The following UBASH3A variants were observed in gnomAD, a reference collection of about 807,000 sequenced individuals.
UBASH3A encodes the protein ubiquitin associated and SH3 domain containing A.
UBASH3A carries 63 observed loss-of-function variants against 73.5 expected under a neutral mutation model. The ratio of observed to expected loss-of-function variants is 0.86; its 90% CI spans 0.70 to 1.06. The LOEUF is 1.06. Among genes scored for constraint, UBASH3A ranks in the 50% least tolerant of loss-of-function variants. The probability of loss-of-function intolerance (pLI) is 0.00; values close to 1 mark genes in which losing one functional copy is unlikely to be tolerated. For missense variants in UBASH3A, 860 were observed against 859.0 expected (o/e 1.00, Z -0.02); for synonymous variants, 363 against 351.1 (o/e 1.03, Z -0.38).
intron 3 of UBASH3A, among the ~76,000 whole-genome samples, chr21:42,411,321 A>G (rs2053089601): frequency 6.6e-6 from 1 of 152,034 alleles, no homozygotes; most frequent in South Asian, 2.1e-4. Flanking sequence ...ACACACAGGA[A>G]TACACAGATA....
intron 6 of UBASH3A, chr21:42,417,499 T>C (rs1387319803): frequency 1.3e-5 from 2 of 151,690 alleles, no homozygotes; most frequent in Non-Finnish European, 2.9e-5. Flanking sequence ...TGCTTATTAA[T>C]TCTTTTTTAT....
chr21:42,443,487 T>G (rs1194665351), intron 13 of UBASH3A, 69 bp downstream of exon 13: 2 of 1,385,958 alleles, frequency 1.4e-6, no homozygotes. Context: ...AGATGGAAAT[T>G]GGCCAATTTT....
Position 42,413,017 on chromosome 21 carries a change from C to A in UBASH3A, c.355-7C>A. Reference sequence around the variant, plus strand: ...TGGAAACACAGGCTCTGTCTCTGTCCCCTTAGTGTGAAGACCAGAAGGTGG... The same window carrying A: ...TGGAAACACAGGCTCTGTCTCTGTCACCTTAGTGTGAAGACCAGAAGGTGG... On this transcript the variant is annotated splice_polypyrimidine_tract_variant and splice_region_variant and intron_variant, in intron 3 of 14. Coordinates refer to ENST00000319294, the MANE Select transcript of UBASH3A (RefSeq NM_018961.4). This position sits in a 1 kb window ranked among gnomAD's most constrained non-coding sequence, Gnocchi z 4.5. 2 of 1,612,814 alleles carry A rather than the reference C, an allele frequency of 1.2e-6. No individual in the cohort carries two copies. Among genetic ancestry groups the A allele is most frequent in the Non-Finnish European group, 1.7e-6 (2 of 1,178,870 alleles).
At chr21:42,437,850 G>T (rs140519580) in intron 11 of UBASH3A, among the ~76,000 whole-genome samples, 1 of 152,156 alleles carries the variant, frequency 6.6e-6, no homozygotes, top group Admixed American at 6.5e-5. Context: ...TTTGGCCTCC[G>T]TCAGCTAGGC....
In UBASH3A at chr21:42,443,981, C is replaced by T. The variant is rs575131115; in HGVS notation, c.1739-553C>T. On this transcript the variant is annotated intron_variant, in intron 13 of 14. Coordinates refer to ENST00000319294, the MANE Select transcript of UBASH3A (RefSeq NM_018961.4). ...ACCAACTTCCAGGTGGCGCCCCCTT[C>T]CCTGACCCATCACACGGGTCTCCTA... Among the ~76,000 whole-genome samples, 370 of 152,302 alleles carry T rather than the reference C, an allele frequency of 2.4e-3. 2 individuals carry two copies. The highest frequency in any genetic ancestry group is 8.4e-3 in the African/African-American group (350 of 41,552).
rs776033356 is a variant in UBASH3A, at chr21:42,415,319, T to TTCCCCACCACCTACACACTCATGCTGC, written c.668-1093_668-1067dup. ...TAAAAACAAAAGTCAGGAAAGGAAT[T>TTCCCCACCACCTACACACTCATGCTGC]TCCCCACCACCTACACACTCATGCT... On this transcript the variant is annotated intron_variant, in intron 5 of 14. Coordinates refer to ENST00000319294, the MANE Select transcript of UBASH3A (RefSeq NM_018961.4). Among the ~76,000 whole-genome samples the TTCCCCACCACCTACACACTCATGCTGC allele has an allele frequency of 8.1e-4, 123 of 152,164 alleles. 2 individuals are homozygous for TTCCCCACCACCTACACACTCATGCTGC. The highest frequency in any genetic ancestry group is 2.2e-3 in the African/African-American group (90 of 41,484).
rs751659526 is a variant in UBASH3A, at chr21:42,434,596, G to T, written c.1271-236G>T. ...TTGGGAGGACAAAGAGGGTTGCATA[G>T]TTCCTGGGGCTGAAACCTAAGTTGT... On this transcript the variant is annotated intron_variant, in intron 9 of 14. Coordinates refer to ENST00000319294, the MANE Select transcript of UBASH3A (RefSeq NM_018961.4). Among the ~76,000 whole-genome samples, 27 of 152,230 alleles carry T rather than the reference G, an allele frequency of 1.8e-4. 1 individual carries two copies. The highest frequency in any genetic ancestry group is 3.2e-3 in the Middle Eastern group (1 of 316).
rs763106563 is a variant in UBASH3A, at chr21:42,413,568, A to C, written c.667+45A>C. The stretch of plus-strand genomic sequence containing the variant: ...CCGGACCAGCTTTGGTCTTCTCTTT[A>C]GGCGGGAATAGCCTTGTTCTCATTA... On this transcript the variant is annotated intron_variant, in intron 5 of 14. Transcript: ENST00000319294. The surrounding 1 kb of genome is among the most constrained non-coding windows in gnomAD (Gnocchi z 4.5). 5 of 1,378,132 alleles carry C rather than the reference A, an allele frequency of 3.6e-6. No homozygotes were observed. Among genetic ancestry groups the C allele is most frequent in the Admixed American group, 1.8e-5 (1 of 55,614 alleles). The allele number at this position is 1,378,132 out of a possible 1,614,324, so 85.4% of individuals were successfully genotyped here.
intron 7 of UBASH3A, among the ~76,000 whole-genome samples, chr21:42,423,330 G>T (rs1407374145): frequency 6.6e-6 from 1 of 152,242 alleles, no homozygotes; most frequent in African/African-American, 2.4e-5. Context: ...TGCCACAAGG[G>T]ATTGTAGAGA....
At chr21:42,437,687 G>A in intron 11 of UBASH3A, 107 bp downstream of exon 11, 1 of 997,822 alleles carries the variant, frequency 1.0e-6, no homozygotes, top group Non-Finnish European at 1.5e-6. Flanking sequence ...GGCAATGAAT[G>A]CCCACACCAA....
At chr21:42,439,051 T>TC (rs2053681379) in intron 11 of UBASH3A, among the ~76,000 whole-genome samples, 1 of 151,976 alleles carries the variant, frequency 6.6e-6, no homozygotes, top group African/African-American at 2.4e-5. Flanking sequence ...TGTCCTCAGA[T>TC]CCCCTTCGCC....
intron 7 of UBASH3A, among the ~76,000 whole-genome samples, chr21:42,424,652 A>G (rs1170077662): frequency 1.3e-5 from 2 of 152,212 alleles, no homozygotes; most frequent in African/African-American, 4.8e-5. Flanking sequence ...GACACAGCAG[A>G]TTACTTCAAA....
chr21:42,429,942 C>T (rs1475284727), intron 8 of UBASH3A, among the ~76,000 whole-genome samples: 1 of 151,008 alleles, frequency 6.6e-6, no homozygotes, highest in Non-Finnish European at 1.5e-5. Context: ...GTTTATGCAC[C>T]TACCAAATGT....
chr21:42,406,306 A>T lies in UBASH3A; in HGVS notation c.114-2A>T. The T allele has an allele frequency of 6.2e-7, 1 of 1,613,774 alleles. No individual in the cohort carries two copies. The highest frequency in any genetic ancestry group is 8.5e-7 in the Non-Finnish European group (1 of 1,179,662). ...TTTGTGTCTGTGTCTGCTCTTCTGC[A>T]GGCTGAAAGCGTTGGCAGCCACGGG... On this transcript the variant is annotated splice_acceptor_variant, in intron 1 of 14. Transcript: ENST00000319294. LOFTEE classifies it high-confidence loss of function.
chr21:42,413,377 C>T lies in UBASH3A; in HGVS notation c.554-33C>T, dbSNP rs1276766159. ...GTGGGATGGCTGGGTGGGCTTTCTT[C>T]CGGGCTCAGTGGCTGCACCTGTCCT... is the stretch of plus-strand genomic sequence containing the variant. On this transcript the variant is annotated intron_variant, in intron 4 of 14. Coordinates refer to ENST00000319294, the MANE Select transcript of UBASH3A (RefSeq NM_018961.4). This position sits in a 1 kb window ranked among gnomAD's most constrained non-coding sequence, Gnocchi z 4.5. 1.3e-5 allele frequency: 21 copies of T among 1,585,426 alleles called. No individual in the cohort carries two copies. Among genetic ancestry groups the T allele is most frequent in the Non-Finnish European group, 1.8e-5 (21 of 1,159,374 alleles).
intron 14 of UBASH3A, among the ~76,000 whole-genome samples, 183 bp from the exon 15 acceptor site, chr21:42,446,863 TCCCCTGGCTAG>T (rs985903222): frequency 2.6e-5 from 4 of 152,156 alleles, no homozygotes; most frequent in African/African-American, 9.7e-5. Flanking sequence ...TTACCCAGTG[TCCCCTGGCTAG>T]GGGACATCCC....
intron 5 of UBASH3A, 38 bp from the exon 6 acceptor site, chr21:42,416,404 G>A (rs1451935596): frequency 4.6e-6 from 7 of 1,513,498 alleles, no homozygotes; most frequent in African/African-American, 4.3e-5. Flanking sequence ...TTTAGGTAAC[G>A]GTGTCCTGGC....
At chr21:42,432,793 C>T (rs1199387663) in intron 9 of UBASH3A, among the ~76,000 whole-genome samples, 1 of 152,176 alleles carries the variant, frequency 6.6e-6, no homozygotes, top group African/African-American at 2.4e-5. Context: ...AGATGACAAT[C>T]ACACACCAGA....
Position 42,403,936 on chromosome 21 carries a change from G to A in UBASH3A, c.-10G>A, listed in dbSNP as rs764199315. On this transcript the variant is annotated 5_prime_UTR_variant, in exon 1 of 15. Transcript: ENST00000319294. ...TGCAGGCGAGCTTCTTGGCCTAAGG[G>A]CAGGAAGAGATGGCAGCGGGGGAGA... 3.3e-6 allele frequency: 5 copies of A among 1,493,124 alleles called. No homozygotes were observed. Among genetic ancestry groups the A allele is most frequent in the Non-Finnish European group, 3.6e-6 (4 of 1,112,072 alleles). 92.5% of individuals were successfully genotyped at this position (1,493,124 alleles called of 1,614,324 possible).
Sources: gnomAD v4.1 joint callset for allele counts (sites outside exome capture counted in the v4.1 genomes callset) on GRCh38, gnomAD v4.1.1 for gene constraint, Gnocchi (gnomAD v3.1) non-coding constraint, MANE v1.5 for transcripts, NCBI Gene and HGNC (gene_info 2026-07-23, HGNC 2026-07-21) for gene names.